RNF38: variants seen among roughly 807,000 people sequenced by gnomAD.
RNF38 encodes ring finger protein 38.
RNF38 carries 15 observed loss-of-function variants against 67.2 expected under a neutral mutation model. That is an observed-to-expected ratio of 0.22 (90% CI 0.15 to 0.34). The LOEUF (loss-of-function observed/expected upper bound fraction) is 0.34. Among genes scored for constraint, RNF38 ranks in the 10% least tolerant of loss-of-function variants. The pLI is 1.00. For synonymous variants in RNF38, 220 were observed against 218.8 expected (o/e 1.01, Z -0.05); for missense variants, 524 against 639.9 (o/e 0.82, Z 1.95).
At chr9:36,481,500 G>C (rs913430699) in intron 1 of RNF38, among the ~76,000 whole-genome samples, 1 of 152,126 alleles carries the variant, frequency 6.6e-6, no homozygotes, top group Non-Finnish European at 1.5e-5. Context: ...GGTAAGAATT[G>C]TTTATTTCCC....
At chr9:36,455,145 C>T (rs542378365) in intron 1 of RNF38, among the ~76,000 whole-genome samples, 11 of 151,972 alleles carry the variant, frequency 7.2e-5, no homozygotes, top group Non-Finnish European at 1.3e-4. Flanking sequence ...CTGCAACCCC[C>T]GCCTCCCAGG....
At chr9:36,385,447 C>T (rs1377003428) in intron 2 of RNF38, among the ~76,000 whole-genome samples, 1 of 150,828 alleles carries the variant, frequency 6.6e-6, no homozygotes, top group Non-Finnish European at 1.5e-5. Context: ...GGCGCGATCT[C>T]GGCTCACAGT....
chr9:36,435,623 G>A (rs1564061934), intron 1 of RNF38, among the ~76,000 whole-genome samples: 1 of 141,804 alleles, frequency 7.1e-6, no homozygotes, highest in Non-Finnish European at 1.5e-5. Context: ...GTGAATGGAG[G>A]TTTTTTTTTT....
At chr9:36,355,334 T>C (rs1834020496) in intron 6 of RNF38, among the ~76,000 whole-genome samples, 1 of 152,268 alleles carries the variant, frequency 6.6e-6, no homozygotes, top group African/African-American at 2.4e-5. Context: ...ATGCTGAACC[T>C]GGCCTATCAA....
intron 1 of RNF38, among the ~76,000 whole-genome samples, chr9:36,466,515 G>T (rs1163825605): frequency 6.6e-6 from 1 of 152,132 alleles, no homozygotes; most frequent in Non-Finnish European, 1.5e-5. Context: ...ACACACGTGG[G>T]TTCACACTAT....
In RNF38 at chr9:36,342,066, C is replaced by T. The variant is rs575731686; in HGVS notation, c.1485+259G>A. Among the ~76,000 whole-genome samples, 20 of 152,214 alleles carry T rather than the reference C, an allele frequency of 1.3e-4. No homozygotes were observed. In the East Asian group the frequency reaches 3.5e-3, roughly 26 times the overall value. On this transcript the variant is annotated intron_variant, in intron 11 of 11. Transcript: ENST00000259605. ...CTCTCAAACTGTGGCCTAGCAAGTT[C>T]GGGCCTTGTCCCTATATACCATGAA...
chr9:36,401,034 C>G (rs902603085), upstream of RNF38: 6 of 984,876 alleles, frequency 6.1e-6, no homozygotes, highest in Middle Eastern at 5.2e-4. Context: ...CCGCGACACG[C>G]GCGGTCCTCC....
At chr9:36,414,059 G>C (rs894595209) in intron 2 of RNF38, among the ~76,000 whole-genome samples, 2 of 152,070 alleles carry the variant, frequency 1.3e-5, no homozygotes, top group African/African-American at 4.8e-5. Context: ...TCCGGATAGC[G>C]ACTCCTGTTT....
intron 2 of RNF38, among the ~76,000 whole-genome samples, chr9:36,376,578 C>T (rs1397940673): frequency 2.0e-5 from 3 of 152,088 alleles, no homozygotes; most frequent in Non-Finnish European, 4.4e-5. Context: ...TTCTAAATCA[C>T]ACTCCTCTCC....
intron 2 of RNF38, among the ~76,000 whole-genome samples, chr9:36,417,407 A>T (rs1279797448): frequency 6.6e-6 from 1 of 152,218 alleles, no homozygotes; most frequent in Non-Finnish European, 1.5e-5. Context: ...ATTTAAAATT[A>T]TACATCTTAC....
At chr9:36,456,668 C>T (rs1421466191) in intron 1 of RNF38, among the ~76,000 whole-genome samples, 1 of 152,020 alleles carries the variant, frequency 6.6e-6, no homozygotes, top group Non-Finnish European at 1.5e-5. Context: ...ACCTCTCAAC[C>T]TACTGGACAC....
intron 1 of RNF38, among the ~76,000 whole-genome samples, chr9:36,452,107 T>C (rs561404259): frequency 3.9e-5 from 6 of 152,090 alleles, no homozygotes; most frequent in Admixed American, 6.6e-5. Context: ...CCTACAGTTC[T>C]AGCTACTCAG....
At chr9:36,344,250 G>A (rs1563993822) in intron 10 of RNF38, among the ~76,000 whole-genome samples, 1 of 152,096 alleles carries the variant, frequency 6.6e-6, no homozygotes, top group Non-Finnish European at 1.5e-5. Context: ...CCTGACCATA[G>A]GTGATCCACT....
At chr9:36,437,921 T>C (rs920310881) in intron 1 of RNF38, among the ~76,000 whole-genome samples, 2 of 152,206 alleles carry the variant, frequency 1.3e-5, no homozygotes, top group African/African-American at 2.4e-5. Context: ...GGCATAAATG[T>C]ACCATTTTTC....
chr9:36,402,192 GACAA>G (rs970009605), upstream of RNF38, among the ~76,000 whole-genome samples: 5 of 152,092 alleles, frequency 3.3e-5, no homozygotes, highest in African/African-American at 7.2e-5. Context: ...GGAATTCCAG[GACAA>G]ACAAAGAGAA....
chr9:36,393,006 T>C (rs1016811796), intron 1 of RNF38, among the ~76,000 whole-genome samples: 2 of 152,176 alleles, frequency 1.3e-5, no homozygotes, highest in Non-Finnish European at 2.9e-5. Flanking sequence ...CTTTTGCCAC[T>C]CTCTCAAAAT....
At chr9:36,423,866 G>T (rs1382024113) in intron 2 of RNF38, among the ~76,000 whole-genome samples, 2 of 42,168 alleles carry the variant, frequency 4.7e-5, no homozygotes, top group African/African-American at 8.1e-5. Flanking sequence ...GGAGAATGGC[G>T]TGAACCCGGG....
chr9:36,375,800 T>C (rs1412331809), intron 3 of RNF38, 134 bp downstream of exon 3: 2 of 747,904 alleles, frequency 2.7e-6, no homozygotes, highest in Non-Finnish European at 4.2e-6. Context: ...ACTTTCTTTT[T>C]CGTGAGTGAA....
intron 4 of RNF38, among the ~76,000 whole-genome samples, chr9:36,360,072 C>T (rs1424360853): frequency 1.3e-5 from 2 of 152,024 alleles, no homozygotes; most frequent in Admixed American, 1.3e-4. Context: ...TACCCAGAAA[C>T]ATTATGCCAT....
Sources: allele counts gnomAD v4.1 joint callset (sites outside exome capture counted in the v4.1 genomes callset), GRCh38; gene constraint gnomAD v4.1.1; transcripts MANE v1.5; gene names NCBI Gene and HGNC (gene_info 2026-07-23, HGNC 2026-07-21).